The following CLSTN2 variants were observed in gnomAD, a reference collection of about 807,000 sequenced individuals.
CLSTN2 encodes the protein calsyntenin-2.
In CLSTN2, 48 loss-of-function variants were observed where a neutral mutation model predicts 101.2. That is an observed-to-expected ratio of 0.47 (90% CI 0.38 to 0.60). CLSTN2 has a LOEUF of 0.60. Ranked by LOEUF, CLSTN2 falls within the 20% of genes least tolerant of loss-of-function variation. The pLI is 0.00. For missense variants in CLSTN2, 1,160 were observed against 1,238.2 expected, an observed-to-expected ratio of 0.94 and a Z score of 0.95; for synonymous variants, 481 against 463.6, an observed-to-expected ratio of 1.04 and a Z score of -0.48.
chr3:140,107,211 C>T (rs999289814), intron 1 of CLSTN2, among the ~76,000 whole-genome samples: 10 of 152,196 alleles, frequency 6.6e-5, no homozygotes, highest in Admixed American at 5.9e-4. Context: ...CCTCCACATC[C>T]TGTCCTGGCT....
chr3:139,998,618 A>T (rs932714806), intron 1 of CLSTN2, among the ~76,000 whole-genome samples: 8 of 151,972 alleles, frequency 5.3e-5, no homozygotes, highest in Non-Finnish European at 8.8e-5. Context: ...TGCTGGGATT[A>T]CAGGCGTGAG....
intron 1 of CLSTN2, among the ~76,000 whole-genome samples, chr3:140,122,774 T>C (rs1250328594): frequency 6.6e-6 from 1 of 152,126 alleles, no homozygotes; most frequent in Non-Finnish European, 1.5e-5. Context: ...CTGTAAAGGG[T>C]CAGATGTTTT....
chr3:140,432,799 G>A (rs2088647965), intron 5 of CLSTN2, among the ~76,000 whole-genome samples: 1 of 152,202 alleles, frequency 6.6e-6, no homozygotes, highest in African/African-American at 2.4e-5. Context: ...CTGAGGGGAA[G>A]AGGGTGTGGG....
At chr3:140,454,908 G>A (rs1314547932) in intron 6 of CLSTN2, among the ~76,000 whole-genome samples, 2 of 152,178 alleles carry the variant, frequency 1.3e-5, no homozygotes, top group Admixed American at 1.3e-4. Context: ...GTTGTGAATA[G>A]AATACATTCT....
Position 140,448,769 on chromosome 3 carries a change from A to T in CLSTN2, c.973+65A>T, listed in dbSNP as rs564612941. The T allele has an allele frequency of 9.3e-5, 128 of 1,381,598 alleles. No homozygotes were observed. In the South Asian group the frequency reaches 1.5e-3, roughly 16 times the overall value. 85.6% of individuals were successfully genotyped at this position (1,381,598 alleles called of 1,614,324 possible). ...TTTAAATGATGTATACCAAAAAAGC[A>T]TATCTTATTGTCTTAGGCAAGAATC... On this transcript the variant is annotated intron_variant, in intron 6 of 16. Coordinates refer to ENST00000458420, the MANE Select transcript of CLSTN2 (RefSeq NM_022131.3).
intron 1 of CLSTN2, among the ~76,000 whole-genome samples, chr3:140,063,150 A>C (rs977176725): frequency 2.4e-4 from 37 of 152,304 alleles, no homozygotes; most frequent in African/African-American, 8.4e-4. Context: ...TGTTGGTCAC[A>C]ATGTTCTAGA....
intron 1 of CLSTN2, among the ~76,000 whole-genome samples, chr3:140,048,753 G>A (rs984380647): frequency 3.3e-5 from 5 of 152,118 alleles, no homozygotes; most frequent in Admixed American, 6.5e-5. Context: ...GCAAGCTGGA[G>A]AACGACCCTG....
At chr3:140,402,241 C>T (rs1295749904) in intron 2 of CLSTN2, among the ~76,000 whole-genome samples, 1 of 152,126 alleles carries the variant, frequency 6.6e-6, no homozygotes, top group Non-Finnish European at 1.5e-5. Context: ...TAGAGAGTTT[C>T]TCCAGGCAAT....
At chr3:140,429,851 A>G (rs1432583495) in intron 5 of CLSTN2, among the ~76,000 whole-genome samples, 1 of 152,094 alleles carries the variant, frequency 6.6e-6, no homozygotes, top group East Asian at 1.9e-4. Flanking sequence ...CCATAGGCAA[A>G]GGGACAAAGG....
intron 2 of CLSTN2, among the ~76,000 whole-genome samples, chr3:140,358,823 T>A (rs2087699476): frequency 6.6e-6 from 1 of 151,884 alleles, no homozygotes; most frequent in South Asian, 2.1e-4. Context: ...TGACGACACC[T>A]GGGAAGAGAG....
chr3:140,245,971 AT>A (rs1329100941), intron 2 of CLSTN2, among the ~76,000 whole-genome samples: 1 of 152,202 alleles, frequency 6.6e-6, no homozygotes, highest in Non-Finnish European at 1.5e-5. Context: ...AAGTCTTATT[AT>A]TATGCTGTAC....
chr3:140,073,133 A>G (rs377190144), intron 1 of CLSTN2, among the ~76,000 whole-genome samples: 7 of 152,308 alleles, frequency 4.6e-5, no homozygotes, highest in African/African-American at 1.7e-4. Flanking sequence ...GATCCAAAAC[A>G]CTGCTTTTCG....
chr3:140,388,590 A>G (rs570744852), intron 2 of CLSTN2, among the ~76,000 whole-genome samples: 69 of 152,354 alleles, frequency 4.5e-4, no homozygotes, highest in African/African-American at 1.7e-3. Context: ...CTCTAAAGGC[A>G]GGGAGACCTG....
At chr3:140,091,368 G>A (rs1169237191) in intron 1 of CLSTN2, among the ~76,000 whole-genome samples, 1 of 152,096 alleles carries the variant, frequency 6.6e-6, no homozygotes, top group Non-Finnish European at 1.5e-5. Flanking sequence ...CCTCATCCTG[G>A]ACACCCATTC....
At chr3:140,028,993 A>C (rs1335935189) in intron 1 of CLSTN2, among the ~76,000 whole-genome samples, 1 of 152,196 alleles carries the variant, frequency 6.6e-6, no homozygotes, top group Non-Finnish European at 1.5e-5. Flanking sequence ...TGAAGGTTTC[A>C]TGTTCCATTT....
At chr3:140,067,447 G>A (rs2008318482) in intron 1 of CLSTN2, among the ~76,000 whole-genome samples, 1 of 152,182 alleles carries the variant, frequency 6.6e-6, no homozygotes, top group Admixed American at 6.5e-5. Context: ...GTAGCTCCAA[G>A]GAGGGAAACA....
chr3:140,141,310 G>C (rs1444854535), intron 1 of CLSTN2, among the ~76,000 whole-genome samples: 8 of 152,160 alleles, frequency 5.3e-5, no homozygotes, highest in Admixed American at 5.2e-4. Context: ...ACCTGGCCTG[G>C]TACAGTCCTG....
At chr3:140,563,876 T>A (rs74938120) in intron 15 of CLSTN2, 85 bp from the exon 16 acceptor site, 4 of 1,365,150 alleles carry the variant, frequency 2.9e-6, no homozygotes, top group Non-Finnish European at 4.1e-6. Context: ...CTTTATCCTA[T>A]GCACGGATGT....
chr3:139,938,531 T>C (rs1457686045), intron 1 of CLSTN2, among the ~76,000 whole-genome samples: 3 of 152,226 alleles, frequency 2.0e-5, no homozygotes, highest in African/African-American at 7.2e-5. Context: ...CACCCTTACA[T>C]ATTTTGGCTA....
Sources: allele counts gnomAD v4.1 joint callset (sites outside exome capture counted in the v4.1 genomes callset), GRCh38; gene constraint gnomAD v4.1.1; transcripts MANE v1.5; gene names NCBI Gene and HGNC (gene_info 2026-07-23, HGNC 2026-07-21).